CCDC157: variants seen among roughly 807,000 people sequenced by gnomAD.
CCDC157 encodes the protein coiled-coil domain-containing protein 157.
CCDC157 carries 60 observed loss-of-function variants against 70.9 expected under a neutral mutation model. The observed-to-expected ratio is 0.85, with a 90% CI of 0.69 to 1.05. The LOEUF (loss-of-function observed/expected upper bound fraction) is 1.05. CCDC157 is among the 50% of genes least tolerant of loss of function. CCDC157 has a pLI of 0.00. For missense variants in CCDC157, 943 were observed against 984.2 expected, an observed-to-expected ratio of 0.96 and a Z score of 0.56; for synonymous variants, 373 against 422.4, an observed-to-expected ratio of 0.88 and a Z score of 1.43.
At position 30,370,701 on chromosome 22, in the gene CCDC157, C is replaced by T. The variant is rs1218005454; in HGVS notation, c.796C>T (p.Pro266Ser). The change falls in exon 5 of 12, where the codon CCA (proline) becomes TCA (serine). Residue 266 changes from proline (P) to serine (S), a missense_variant. Transcript: ENST00000338306. ...QLVQDSMGLR[P>S]LPAATVGRWA... ...GGTGCAGGACAGCATGGGGCTCAGGCCACTGCCGGCTGCCACCGTGGGCCG... is the reference window on the plus strand; with the variant it reads ...GGTGCAGGACAGCATGGGGCTCAGGTCACTGCCGGCTGCCACCGTGGGCCG... The T allele has an allele frequency of 5.0e-6, 8 of 1,613,276 alleles. No homozygotes were observed. The highest frequency in any genetic ancestry group is 6.8e-6 in the Non-Finnish European group (8 of 1,179,846).
chr22:30,365,514 T>C (rs1449472933), intron 2 of CCDC157, among the ~76,000 whole-genome samples: 2 of 152,072 alleles, frequency 1.3e-5, no homozygotes, highest in African/African-American at 2.4e-5. Context: ...GTTGTTCAGA[T>C]TGGAGAGGGC....
intron 3 of CCDC157, among the ~76,000 whole-genome samples, chr22:30,368,486 T>C (rs545605337): frequency 2.0e-5 from 3 of 152,340 alleles, no homozygotes; most frequent in South Asian, 4.1e-4. Context: ...AGCACCACAG[T>C]CTCCCGCTGC....
chr22:30,375,247 G>A (rs954392487), intron 9 of CCDC157: 3 of 465,022 alleles, frequency 6.5e-6, no homozygotes, highest in Admixed American at 4.0e-5. Context: ...GTGAGCCACC[G>A]CGCCCGGCCT....
intron 3 of CCDC157, 103 bp downstream of exon 3, chr22:30,366,351 A>C: frequency 6.9e-7 from 1 of 1,440,758 alleles, no homozygotes. Context: ...TGATGTTGGA[A>C]CAACAGTCAC....
In CCDC157 at chr22:30,377,858, A is replaced by G. The variant is rs1288832714; in HGVS notation, c.*1113A>G. On this transcript the variant is annotated 3_prime_UTR_variant, in exon 12 of 12. Coordinates refer to ENST00000338306, the MANE Select transcript of CCDC157 (RefSeq NM_001017437.5). ...CTCAGGCGCCCACCAACTCCGTGCC[A>G]TGTATTCATTAGCTCCCAGTTCTGG... 2.9e-6 allele frequency: 1 copy of G among 340,118 alleles called. No homozygotes were observed. The highest frequency in any genetic ancestry group is 5.9e-6 in the Non-Finnish European group (1 of 170,862). 21.1% of individuals were successfully genotyped at this position (340,118 alleles called of 1,614,324 possible).
intron 9 of CCDC157, chr22:30,374,680 C>T: frequency 2.2e-6 from 1 of 456,782 alleles, no homozygotes; most frequent in Non-Finnish European, 4.4e-6. Context: ...CCCTTCTGTC[C>T]CCTTCTCAAC....
At chr22:30,363,619 A>T (rs976828437) in intron 2 of CCDC157, among the ~76,000 whole-genome samples, 2 of 151,442 alleles carry the variant, frequency 1.3e-5, no homozygotes, top group African/African-American at 4.9e-5. Context: ...CAGTAGGGTG[A>T]CTAGTTTATA....
In CCDC157 at chr22:30,371,120, C is replaced by T. The variant is rs771030692; in HGVS notation, c.1045+170C>T. ...GGCAGCAAGGAAGGGGGTGTTCATC[C>T]GGTGGTGACACTGTGATCTCAGTCC... On this transcript the variant is annotated intron_variant, in intron 5 of 11. Coordinates refer to ENST00000338306, the MANE Select transcript of CCDC157 (RefSeq NM_001017437.5). The T allele has an allele frequency of 8.3e-5, 65 of 786,362 alleles. 1 individual carries two copies. In the Middle Eastern group the frequency reaches 3.0e-3, roughly 36 times the overall value. 48.7% of individuals were successfully genotyped at this position (786,362 alleles called of 1,614,324 possible). A position where few individuals can be genotyped will look rare whatever the true frequency, so the allele number is the denominator to read the frequency against.
Position 30,375,635 on chromosome 22 carries a change from G to C in CCDC157, c.1829G>C (p.Arg610Pro). Residue 610 changes from arginine (R) to proline (P), a missense_variant, in exon 10 of 12, where the codon CGG becomes CCG. Transcript: ENST00000338306. ...GRLQSMLSKI[R>P]EVAQQGGLKL... ...CTCCAATCAATGCTGTCCAAAATCC[G>C]GGAAGTGGCCCAGCAGGGTGGCCTC... The C allele has an allele frequency of 6.2e-7, 1 of 1,613,862 alleles. No individual in the cohort carries two copies. Among genetic ancestry groups the C allele is most frequent in the Non-Finnish European group, 8.5e-7 (1 of 1,179,932 alleles).
chr22:30,373,058 T>C lies in CCDC157; in HGVS notation c.1336-539T>C, dbSNP rs532579451. 3.1e-4 allele frequency: 49 copies of C among 155,762 alleles called. No homozygotes were observed. The South Asian group carries it at 7.9e-3, about 25-fold the overall frequency. 9.6% of individuals were successfully genotyped at this position (155,762 alleles called of 1,614,324 possible). On this transcript the variant is annotated intron_variant, in intron 7 of 11. Transcript: ENST00000338306. ...CTACAGCAACAGGAGGTAGATACTC[T>C]TGTCACCCCCATTTTACGAATGAGG... is the stretch of plus-strand genomic sequence containing the variant.
intron 7 of CCDC157, 150 bp downstream of exon 7, chr22:30,372,436 A>C: frequency 8.8e-7 from 1 of 1,132,124 alleles, no homozygotes; most frequent in Non-Finnish European, 1.2e-6. Flanking sequence ...CTTTACAGAG[A>C]GTCTACCCTG....
At position 30,370,914 on chromosome 22, in the gene CCDC157, T is replaced by C. The variant is rs971443322; in HGVS notation, c.1009T>C (p.Ser337Pro). The change falls in exon 5 of 12, where the codon TCT becomes CCT. Residue 337 changes from serine (S) to proline (P), a missense_variant. Physicochemically the swap from Ser to Pro is moderately conservative, Grantham distance 74. Coordinates refer to ENST00000338306, the MANE Select transcript of CCDC157 (RefSeq NM_001017437.5). ...RQAEEDEQCL[S>P]EWEHDKQQLL... is the part of the protein sequence containing the mutation. ...GGCGGAGGAGGATGAGCAGTGCCTG[T>C]CTGAGTGGGAGCACGACAAACAGCA... 1 of 1,610,406 alleles carries C rather than the reference T, an allele frequency of 6.2e-7. No individual in the cohort carries two copies. The highest frequency in any genetic ancestry group is 1.3e-5 in the African/African-American group (1 of 74,870).
intron 3 of CCDC157, 39 bp from the exon 4 acceptor site, chr22:30,369,393 C>T (rs1245611281): frequency 2.1e-6 from 3 of 1,450,222 alleles, no homozygotes; most frequent in Non-Finnish European, 2.7e-6. Context: ...TATGTTAGCA[C>T]CAGCCTGGGC....
Position 30,375,588 on chromosome 22 carries a change from C to T in CCDC157, c.1782C>T (p.Val594=), listed in dbSNP as rs1395190003. The T allele has an allele frequency of 7.4e-6, 12 of 1,614,204 alleles. No individual in the cohort carries two copies. Among genetic ancestry groups the T allele is most frequent in the Admixed American group, 1.7e-5 (1 of 60,010 alleles). Residue 594 remains valine (V), a synonymous_variant, in exon 10 of 12, where the codon GTC becomes GTT. Coordinates refer to ENST00000338306, the MANE Select transcript of CCDC157 (RefSeq NM_001017437.5). ...QVQSNDIRIR[V]LQEENGRLQS... ...AGTCCAACGACATCCGCATCCGGGT[C>T]CTACAGGAGGAGAACGGGCGGCTCC...
chr22:30,375,845 T>G (rs1933314772), intron 10 of CCDC157, 182 bp downstream of exon 10: 1 of 615,244 alleles, frequency 1.6e-6, no homozygotes. Flanking sequence ...ATCCGATGCC[T>G]TCCAGTCCCA....
intron 5 of CCDC157, 33 bp downstream of exon 5, chr22:30,370,983 CA>C (rs754055949): frequency 1.9e-6 from 3 of 1,580,374 alleles, no homozygotes; most frequent in Non-Finnish European, 1.7e-6. Flanking sequence ...GCCTGGTGCC[CA>C]GGGGCTCTGC....
At chr22:30,369,267 G>A in intron 3 of CCDC157, 165 bp from the exon 4 acceptor site, 1 of 532,536 alleles carries the variant, frequency 1.9e-6, no homozygotes, top group Non-Finnish European at 3.0e-6. Context: ...CCCTGAGGAA[G>A]TAGCCCCTGG....
At chr22:30,360,827 C>T (rs1932286513) in intron 1 of CCDC157, among the ~76,000 whole-genome samples, 1 of 152,100 alleles carries the variant, frequency 6.6e-6, no homozygotes, top group African/African-American at 2.4e-5. Context: ...GTAGGTGGAT[C>T]ATGAGGTCAG....
At chr22:30,356,758 G>T (rs1931884425), upstream of CCDC157, 3 of 1,485,376 alleles carry the variant, frequency 2.0e-6, no homozygotes, top group Non-Finnish European at 2.7e-6. Context: ...CACGGGCGGC[G>T]GCGGGGGCAC....
Sources: gnomAD v4.1 joint callset for allele counts (sites outside exome capture counted in the v4.1 genomes callset) on GRCh38, gnomAD v4.1.1 for gene constraint, MANE v1.5 for transcripts, NCBI Gene and HGNC (gene_info 2026-07-23, HGNC 2026-07-21) for gene names.